BSN: variants seen among roughly 807,000 people sequenced by gnomAD.
BSN encodes protein bassoon.
In BSN, 57 loss-of-function variants were observed where a neutral mutation model predicts 264.8. The observed-to-expected ratio is 0.22, with a 90% confidence interval of 0.17 to 0.27. The LOEUF is 0.27. Ranked by LOEUF, BSN falls within the 10% of genes least tolerant of loss-of-function variation. BSN has a pLI of 1.00. For missense variants in BSN, 4,615 were observed against 5,232.5 expected, an observed-to-expected ratio of 0.88 and a Z score of 3.64; for synonymous variants, 2,059 against 2,137.3, an observed-to-expected ratio of 0.96 and a Z score of 1.01.
chr3:49,628,793 T>C (rs900617575), intron 2 of BSN, among the ~76,000 whole-genome samples: 1 of 152,160 alleles, frequency 6.6e-6, no homozygotes, highest in Non-Finnish European at 1.5e-5. Flanking sequence ...ACCAGTGGCT[T>C]GGTCTCCAGC....
In BSN at chr3:49,654,944, G is replaced by C; in HGVS notation, c.5388G>C (p.Glu1796Asp). ...YRSGPRGRPR[E>D]AKFARYNLPN... is the part of the protein sequence containing the mutation. ...GTGGGCCCCGGGGAAGACCCAGGGA[G>C]GCCAAGTTTGCCAGATATAACCTAC... Residue 1796 changes from glutamate to aspartate, a missense_variant, in exon 5 of 12, where the codon GAG becomes GAC. This residue lies in a region of BSN where 3,415 missense variants were observed against 3,866.4 expected (regional missense o/e 0.88). Coordinates refer to ENST00000296452, the MANE Select transcript of BSN (RefSeq NM_003458.4). The surrounding 1 kb of genome is among the most constrained non-coding windows in gnomAD (Gnocchi z 4.1). The C allele has an allele frequency of 6.2e-7, 1 of 1,611,820 alleles. No homozygotes were observed.
chr3:49,584,068 G>A (rs1451692689), intron 1 of BSN, among the ~76,000 whole-genome samples: 1 of 151,750 alleles, frequency 6.6e-6, no homozygotes, highest in Non-Finnish European at 1.5e-5. Context: ...TTTATTTTTA[G>A]TAGAGACGGG....
At position 49,625,361 on chromosome 3, in the gene BSN, A is replaced by T; in HGVS notation, c.611A>T (p.Asn204Ile). The stretch of plus-strand genomic sequence containing the variant: ...AAGGTCTGCAACCAGTGTGGGTTCA[A>T]CCCCAACCCTCATCTCACCCAGGTA... ...HNKVCNQCGF[N>I]PNPHLTQVKE... The change falls in exon 2 of 12, where the codon AAC becomes ATC. Residue 204 changes from asparagine to isoleucine, a missense_variant. Coordinates refer to ENST00000296452, the MANE Select transcript of BSN (RefSeq NM_003458.4). This position sits in a 1 kb window ranked among gnomAD's most constrained non-coding sequence, Gnocchi z 4.4. The T allele has an allele frequency of 6.7e-7, 1 of 1,503,528 alleles. No individual in the cohort carries two copies. Among genetic ancestry groups the T allele is most frequent in the Non-Finnish European group, 8.9e-7 (1 of 1,125,298 alleles). The allele number at this position is 1,503,528 out of a possible 1,614,324, so 93.1% of individuals were successfully genotyped here. A position where few individuals can be genotyped will look rare whatever the true frequency, so the allele number is the denominator to read the frequency against.
chr3:49,632,040 AT>A (rs1171916360), intron 2 of BSN, among the ~76,000 whole-genome samples: 7 of 152,226 alleles, frequency 4.6e-5, no homozygotes. Context: ...CGGTCAGATG[AT>A]TTTTGATAAG....
rs1458686602 is a variant in BSN, at chr3:49,671,014, C to T, written c.*3529C>T. 1 of 152,272 alleles carries T rather than the reference C, an allele frequency of 6.6e-6. No individual in the cohort carries two copies. The highest frequency in any genetic ancestry group is 1.5e-5 in the Non-Finnish European group (1 of 68,072). The allele number at this position is 152,272 out of a possible 1,614,324, so 9.4% of individuals were successfully genotyped here. A position where few individuals can be genotyped will look rare whatever the true frequency, so the allele number is the denominator to read the frequency against. On this transcript the variant is annotated 3_prime_UTR_variant, in exon 12 of 12. Coordinates refer to ENST00000296452, the MANE Select transcript of BSN (RefSeq NM_003458.4). The surrounding 1 kb of genome is among the most constrained non-coding windows in gnomAD (Gnocchi z 4.1). ...GAGGGACAGGCCTAATCAACTGAAA[C>T]TCCTCGGAGATGCCATCTCTGTCTC...
chr3:49,622,889 T>C (rs901802761), intron 1 of BSN, among the ~76,000 whole-genome samples: 1 of 152,220 alleles, frequency 6.6e-6, no homozygotes, highest in Non-Finnish European at 1.5e-5. Context: ...ACTCAAACTC[T>C]GGTTGTCTTG....
intron 1 of BSN, among the ~76,000 whole-genome samples, chr3:49,556,876 C>G (rs578108931): frequency 6.6e-6 from 1 of 152,304 alleles, no homozygotes; most frequent in East Asian, 1.9e-4. Context: ...GACATATTTG[C>G]TTTCAGTAAG....
At chr3:49,615,759 C>T (rs1251046356) in intron 1 of BSN, among the ~76,000 whole-genome samples, 2 of 152,168 alleles carry the variant, frequency 1.3e-5, no homozygotes, top group African/African-American at 4.8e-5. Context: ...CTGATGAGGC[C>T]AGCCCTTGAT....
intron 1 of BSN, among the ~76,000 whole-genome samples, chr3:49,574,929 C>T (rs764687624): frequency 6.6e-6 from 1 of 152,124 alleles, no homozygotes; most frequent in African/African-American, 2.4e-5. Flanking sequence ...TGAGCCACCG[C>T]ACCCAGCTGG....
chr3:49,586,778 A>G (rs1247246900), intron 1 of BSN, among the ~76,000 whole-genome samples: 2 of 152,196 alleles, frequency 1.3e-5, no homozygotes, highest in African/African-American at 2.4e-5. Flanking sequence ...GTGCCTTTTT[A>G]AAATGCCAGT....
At chr3:49,636,994 A>G (rs543786684) in intron 2 of BSN, among the ~76,000 whole-genome samples, 36 of 152,230 alleles carry the variant, frequency 2.4e-4, no homozygotes, top group Non-Finnish European at 4.7e-4. Context: ...CCAGAAAGGC[A>G]TATAGTCACA....
chr3:49,655,362 C>G lies in BSN; in HGVS notation c.5806C>G (p.Gln1936Glu). The change falls in exon 5 of 12, where the codon CAA becomes GAA. Residue 1936 changes from glutamine to glutamate, a missense_variant. Transcript: ENST00000296452. ...KSMADAAPPG[Q>E]SSSPFYGPRD... Reference sequence around the variant, plus strand: ...CATGGCAGATGCTGCCCCACCTGGCCAAAGCAGCAGCCCCTTCTATGGTCC... The same window carrying G: ...CATGGCAGATGCTGCCCCACCTGGCGAAAGCAGCAGCCCCTTCTATGGTCC... 1 of 1,593,172 alleles carries G rather than the reference C, an allele frequency of 6.3e-7. No homozygotes were observed. The highest frequency in any genetic ancestry group is 8.6e-7 in the Non-Finnish European group (1 of 1,169,380).
At chr3:49,576,023 C>T (rs1369080418) in intron 1 of BSN, among the ~76,000 whole-genome samples, 1 of 152,128 alleles carries the variant, frequency 6.6e-6, no homozygotes, top group Non-Finnish European at 1.5e-5. Flanking sequence ...TCTCCCCACC[C>T]TCCCACTTTT....
chr3:49,621,253 C>T (rs999939128), intron 1 of BSN, among the ~76,000 whole-genome samples: 2 of 152,114 alleles, frequency 1.3e-5, no homozygotes, highest in Admixed American at 1.3e-4. Context: ...CAGAGATAGA[C>T]ATTTGGTGGG....
chr3:49,624,455 A>G (rs911260470), intron 1 of BSN, among the ~76,000 whole-genome samples: 2 of 151,542 alleles, frequency 1.3e-5, no homozygotes, highest in African/African-American at 4.9e-5. Flanking sequence ...TGCGCCACCA[A>G]GCTCAGCTAA....
intron 1 of BSN, among the ~76,000 whole-genome samples, chr3:49,576,429 T>G (rs1472910415): frequency 6.7e-6 from 1 of 149,822 alleles, no homozygotes; most frequent in Non-Finnish European, 1.5e-5. Context: ...TCTTTTTTCT[T>G]TTTTTTTTTG....
intron 1 of BSN, among the ~76,000 whole-genome samples, chr3:49,624,132 C>T (rs2052324809): frequency 6.6e-6 from 1 of 151,798 alleles, no homozygotes; most frequent in Admixed American, 6.6e-5. Flanking sequence ...TCCCAAGTAG[C>T]TGGGCCTACA....
At chr3:49,587,673 G>A (rs1341717739) in intron 1 of BSN, among the ~76,000 whole-genome samples, 2 of 152,130 alleles carry the variant, frequency 1.3e-5, no homozygotes, top group Admixed American at 6.5e-5. Context: ...TGCTTGATTT[G>A]CTCCCTGTGT....
chr3:49,673,087 C>CTTTTTTTTTT (rs71080543), downstream of BSN, among the ~76,000 whole-genome samples: 327 of 43,196 alleles, frequency 7.6e-3, 76 homozygotes, highest in Non-Finnish European at 8.6e-3. Flanking sequence ...CCGGCCGGGA[C>CTTTTTTTTTT]TTTTTTTTTT....
Sources: gnomAD v4.1 joint callset for allele counts (sites outside exome capture counted in the v4.1 genomes callset) on GRCh38, gnomAD v4.1.1 for gene constraint, gnomAD v4.1.1 regional missense constraint, Gnocchi (gnomAD v3.1) non-coding constraint, MANE v1.5 for transcripts, NCBI Gene and HGNC (gene_info 2026-07-23, HGNC 2026-07-21) for gene names.